Variants in ASCC3 observed in about 807,000 individuals in gnomAD.
The protein encoded by ASCC3 is activating signal cointegrator 1 complex subunit 3, also known as ASC-1 complex subunit P200.
ASCC3 carries 158 observed loss-of-function variants against 256.3 expected under a neutral mutation model. The observed-to-expected ratio is 0.62, with a 90% CI of 0.54 to 0.70. ASCC3 has a LOEUF of 0.70. ASCC3 is among the 30% of genes least tolerant of loss of function. The pLI is 0.00. For missense variants in ASCC3, 2,259 were observed against 2,626.0 expected, an observed-to-expected ratio of 0.86 and a Z score of 3.05; for synonymous variants, 948 against 883.4, an observed-to-expected ratio of 1.07 and a Z score of -1.30.
intron 30 of ASCC3, among the ~76,000 whole-genome samples, chr6:100,619,390 TA>T (rs1211924456): frequency 6.6e-6 from 1 of 152,204 alleles, no homozygotes; most frequent in Non-Finnish European, 1.5e-5. Context: ...GAAATTGGGC[TA>T]TTTTTTTATA....
chr6:100,687,338 C>G (rs1317575189), intron 13 of ASCC3, among the ~76,000 whole-genome samples: 2 of 151,962 alleles, frequency 1.3e-5, no homozygotes, highest in Non-Finnish European at 2.9e-5. Context: ...TTGTCTTACC[C>G]ATTGAAGCAA....
intron 8 of ASCC3, among the ~76,000 whole-genome samples, chr6:100,772,348 T>G (rs1781980121): frequency 6.6e-6 from 1 of 152,106 alleles, no homozygotes; most frequent in African/African-American, 2.4e-5. Context: ...TACAAAAACA[T>G]GAATATGAAT....
At chr6:100,871,547 G>A (rs1445616900) in intron 1 of ASCC3, among the ~76,000 whole-genome samples, 1 of 152,186 alleles carries the variant, frequency 6.6e-6, no homozygotes, top group Non-Finnish European at 1.5e-5. Flanking sequence ...CAGGTGGACT[G>A]CTTGAGGCCA....
rs554989875 is a variant in ASCC3, at chr6:100,805,141, A to G, written c.922+619T>C. On this transcript the variant is annotated intron_variant, in intron 5 of 41. Coordinates refer to ENST00000369162, the MANE Select transcript of ASCC3 (RefSeq NM_006828.4). ...ATATTTTTCTTACAACTTACTACATAACAGCTGTCATTTTACAGTTAAAGA... is the reference window on the plus strand; with the variant it reads ...ATATTTTTCTTACAACTTACTACATGACAGCTGTCATTTTACAGTTAAAGA... 2.3e-3 allele frequency among the ~76,000 whole-genome samples: 348 copies of G among 152,290 alleles called. 15 individuals carry two copies. In the South Asian group the frequency reaches 0.07, roughly 30 times the overall value.
At chr6:100,720,769 G>C (rs1779289447) in intron 11 of ASCC3, among the ~76,000 whole-genome samples, 1 of 150,264 alleles carries the variant, frequency 6.7e-6, no homozygotes, top group South Asian at 2.1e-4. Flanking sequence ...ATTAGAATTT[G>C]ATTACAATAT....
At chr6:100,767,899 A>G (rs1280150727) in intron 8 of ASCC3, among the ~76,000 whole-genome samples, 1 of 152,082 alleles carries the variant, frequency 6.6e-6, no homozygotes, top group Non-Finnish European at 1.5e-5. Flanking sequence ...TACAGGCGTG[A>G]GCCACCGCAC....
At position 100,768,443 on chromosome 6, in the gene ASCC3, G is replaced by GA. The variant is rs538615848; in HGVS notation, c.1396-1099dup. Among the ~76,000 whole-genome samples the GA allele has an allele frequency of 3.5e-4, 53 of 152,134 alleles. 1 individual carries two copies. The highest frequency in any genetic ancestry group is 6.3e-4 in the Non-Finnish European group (43 of 67,944). ...ACTTGGAATGGCTATATTAATGTCA[G>GA]AAAAAATAAATTTTGAAGCCAAGAA... On this transcript the variant is annotated intron_variant, in intron 8 of 41. Transcript: ENST00000369162.
At chr6:100,556,097 A>G (rs1166313637) in intron 36 of ASCC3, among the ~76,000 whole-genome samples, 1 of 152,212 alleles carries the variant, frequency 6.6e-6, no homozygotes, top group East Asian at 1.9e-4. Context: ...TGTAATTTGC[A>G]TTTCTACTGG....
Position 100,798,821 on chromosome 6 carries a change from T to C in ASCC3, c.1287A>G (p.Gly429=), listed in dbSNP as rs761036661. The change falls in exon 8 of 42, where the codon GGA becomes GGG. Residue 429 remains glycine, a synonymous_variant. Coordinates refer to ENST00000369162, the MANE Select transcript of ASCC3 (RefSeq NM_006828.4). ...IAGAKMILPE[G]IQRENNKLYE... ...AAAGCTTGTTATTCTCTCTTTGGAT[T>C]CCTTCTGGCAAAATCATCTATAAAC... The C allele has an allele frequency of 5.0e-6, 8 of 1,612,492 alleles. No homozygotes were observed. Among genetic ancestry groups the C allele is most frequent in the Non-Finnish European group, 5.9e-6 (7 of 1,179,368 alleles).
At chr6:100,572,524 G>A (rs1373093073) in intron 36 of ASCC3, among the ~76,000 whole-genome samples, 2 of 151,942 alleles carry the variant, frequency 1.3e-5, no homozygotes, top group Non-Finnish European at 2.9e-5. Flanking sequence ...AAGGGAATAG[G>A]GCATAGGGAA....
chr6:100,778,116 A>G (rs532708060), intron 8 of ASCC3, among the ~76,000 whole-genome samples: 1 of 137,988 alleles, frequency 7.2e-6, no homozygotes, highest in Non-Finnish European at 1.6e-5. Context: ...AAAAAAAAAG[A>G]GAGATAAATC....
At chr6:100,536,197 G>T (rs754275046) in intron 37 of ASCC3, among the ~76,000 whole-genome samples, 7 of 152,114 alleles carry the variant, frequency 4.6e-5, no homozygotes, top group Non-Finnish European at 8.8e-5. Flanking sequence ...GGATTGAGGA[G>T]CTAAATAAAT....
chr6:100,737,810 T>G (rs1780253140), intron 10 of ASCC3, among the ~76,000 whole-genome samples: 1 of 152,198 alleles, frequency 6.6e-6, no homozygotes, highest in South Asian at 2.1e-4. Flanking sequence ...CCACACTATC[T>G]CCCACAATGG....
Position 100,518,014 on chromosome 6 carries a change from T to C in ASCC3, c.5904A>G (p.Glu1968=). Residue 1968 remains glutamate (E), a synonymous_variant, in exon 38 of 42, where the codon GAA becomes GAG. Coordinates refer to ENST00000369162, the MANE Select transcript of ASCC3 (RefSeq NM_006828.4). ...DSSLLTLPNI[E]NHHLHLFKKW... ...ACTTGAAAAGGTGAAGATGATGGTT[T>C]TCTATGTTTGGTAGTGTAAGAAGAG... is the stretch of plus-strand genomic sequence containing the variant. 1 of 1,613,492 alleles carries C rather than the reference T, an allele frequency of 6.2e-7. No individual in the cohort carries two copies. Among genetic ancestry groups the C allele is most frequent in the Non-Finnish European group, 8.5e-7 (1 of 1,179,542 alleles).
At chr6:100,658,333 T>A (rs1199436155) in intron 16 of ASCC3, among the ~76,000 whole-genome samples, 2 of 151,560 alleles carry the variant, frequency 1.3e-5, no homozygotes, top group Admixed American at 6.6e-5. Flanking sequence ...ACTTCATATC[T>A]AACTTTAGTA....
rs751338480 is a variant in ASCC3, at chr6:100,798,714, T to G, written c.1394A>C (p.Glu465Ala). 1.2e-6 allele frequency: 2 copies of G among 1,612,406 alleles called. No individual in the cohort carries two copies. The highest frequency in any genetic ancestry group is 1.7e-6 in the Non-Finnish European group (2 of 1,179,338). ...AACTCTATAAAAGGCTCATCTCACC[T>G]CATCTAAGTCTTGGATATAAACTGG... Reference protein sequence around the residue: ...EKPVYIQDLDEIGQLAFKGMK... With the variant: ...EKPVYIQDLDAIGQLAFKGMK... The change falls in exon 8 of 42, where the codon GAG becomes GCG. Residue 465 changes from glutamate (E) to alanine (A), a missense_variant and splice_region_variant. Physicochemically the swap from Glu to Ala is moderately radical, Grantham distance 107 (BLOSUM62 -1). Around this residue, in one of 2 missense-constraint regions of ASCC3, gnomAD observed 1,839 missense variants for 2,206.7 expected, o/e 0.83. Transcript: ENST00000369162.
intron 13 of ASCC3, among the ~76,000 whole-genome samples, chr6:100,681,296 C>CA (rs1377471060): frequency 1.1e-4 from 17 of 151,942 alleles, no homozygotes; most frequent in African/African-American, 3.9e-4. Context: ...TACAGAAAAA[C>CA]AAAAAGCACT....
rs1457187049 is a variant in ASCC3, at chr6:100,811,442, G to C, written c.802-5562C>G. 2.0e-5 allele frequency among the ~76,000 whole-genome samples: 3 copies of C among 151,870 alleles called. No homozygotes were observed. The East Asian group carries it at 5.8e-4, about 29-fold the overall frequency. On this transcript the variant is annotated intron_variant, in intron 4 of 41. Transcript: ENST00000369162. ...TGATCAGAATTTATTCTTTATTCTA[G>C]TTACACTTAATATCAAATCATACTA... is the stretch of plus-strand genomic sequence containing the variant.
intron 36 of ASCC3, among the ~76,000 whole-genome samples, chr6:100,560,893 A>C (rs549960870): frequency 6.6e-6 from 1 of 152,040 alleles, no homozygotes. Context: ...AACAAAGTAC[A>C]TATATGTTGA....
Sources: gnomAD v4.1 joint callset for allele counts (sites outside exome capture counted in the v4.1 genomes callset) on GRCh38, gnomAD v4.1.1 for gene constraint, gnomAD v4.1.1 regional missense constraint, MANE v1.5 for transcripts, NCBI Gene and HGNC (gene_info 2026-07-23, HGNC 2026-07-21) for gene names.